Variants in KIFAP3 observed in about 807,000 individuals in gnomAD.
KIFAP3 encodes the protein kinesin associated protein 3.
Under a neutral mutation model 106.5 loss-of-function variants are expected in KIFAP3, and 68 were observed. The observed-to-expected ratio is 0.64, with a 90% CI of 0.53 to 0.78. The LOEUF (loss-of-function observed/expected upper bound fraction) is 0.78. Ranked by LOEUF, KIFAP3 falls within the 30% of genes least tolerant of loss-of-function variation. The pLI is 0.00. For synonymous variants in KIFAP3, 320 were observed against 311.5 expected (o/e 1.03, Z -0.29); for missense variants, 780 against 941.8 (o/e 0.83, Z 2.25).
chr1:170,029,663 A>G (rs377081839), intron 8 of KIFAP3, among the ~76,000 whole-genome samples: 7 of 152,150 alleles, frequency 4.6e-5, no homozygotes, highest in African/African-American at 1.4e-4. Flanking sequence ...AAAAAATTAT[A>G]AAGATCAAAG....
At chr1:170,070,158 T>C (rs918730900) in intron 1 of KIFAP3, among the ~76,000 whole-genome samples, 3 of 152,070 alleles carry the variant, frequency 2.0e-5, no homozygotes, top group Non-Finnish European at 4.4e-5. Context: ...GAAATTAATA[T>C]GAACTAAATG....
chr1:170,026,941 C>G (rs1014907471), intron 8 of KIFAP3, among the ~76,000 whole-genome samples: 5 of 151,482 alleles, frequency 3.3e-5, no homozygotes, highest in African/African-American at 1.2e-4. Context: ...ACTATGTCCC[C>G]AAATAAAACT....
At chr1:169,975,804 T>G (rs886730463) in intron 16 of KIFAP3, among the ~76,000 whole-genome samples, 5 of 152,132 alleles carry the variant, frequency 3.3e-5, no homozygotes, top group African/African-American at 1.2e-4. Flanking sequence ...GAGTTTTGTA[T>G]TTTGGAAAAG....
intron 18 of KIFAP3, among the ~76,000 whole-genome samples, chr1:169,955,995 T>C (rs1664994668): frequency 6.6e-6 from 1 of 152,152 alleles, no homozygotes; most frequent in South Asian, 2.1e-4. Context: ...ATTTTATATA[T>C]AGTAAACTTT....
At chr1:170,034,272 T>C in intron 7 of KIFAP3, 100 bp downstream of exon 7, 1 of 1,102,118 alleles carries the variant, frequency 9.1e-7, no homozygotes, top group Non-Finnish European at 1.3e-6. Flanking sequence ...GTAATGTAAT[T>C]AACAATTTTT....
intron 1 of KIFAP3, among the ~76,000 whole-genome samples, chr1:170,056,464 C>T (rs896632405): frequency 6.6e-6 from 1 of 152,070 alleles, no homozygotes; most frequent in African/African-American, 2.4e-5. Context: ...TTTTAGAAGG[C>T]GATAAAGTTG....
At position 170,031,956 on chromosome 1, in the gene KIFAP3, C is replaced by T. The variant is rs777127756; in HGVS notation, c.771G>A (p.Leu257=). The T allele has an allele frequency of 2.5e-6, 4 of 1,610,142 alleles. No individual in the cohort carries two copies. Among genetic ancestry groups the T allele is most frequent in the Non-Finnish European group, 3.4e-6 (4 of 1,177,336 alleles). ...TAAAGGTTTTTTCATAATCCTTTCT[C>T]AAGGTTTGGTTTTCAGGGTCTTCAT... ...AVDEDPENQT[L]RKDYEKTFKK... is the part of the protein sequence containing the mutation. The change falls in exon 8 of 20, where the codon TTG becomes TTA. Residue 257 remains leucine, a synonymous_variant. Coordinates refer to ENST00000361580, the MANE Select transcript of KIFAP3 (RefSeq NM_014970.4).
intron 19 of KIFAP3, among the ~76,000 whole-genome samples, chr1:169,933,167 G>A (rs1020143975): frequency 8.6e-5 from 13 of 151,844 alleles, no homozygotes; most frequent in Non-Finnish European, 1.3e-4. Context: ...ACACATAAAG[G>A]CATTTCCTTG....
rs753781545 is a variant in KIFAP3 at position 170,024,478 on chromosome 1, T to C, written c.960A>G (p.Leu320=). 15 of 1,603,628 alleles carry C rather than the reference T, an allele frequency of 9.4e-6. No homozygotes were observed. The African/African-American group carries it at 1.3e-4, about 14-fold the overall frequency. The change falls in exon 9 of 20, where the codon CTA becomes CTG. Residue 320 remains leucine (L), a synonymous_variant. Coordinates refer to ENST00000361580, the MANE Select transcript of KIFAP3 (RefSeq NM_014970.4). ...TCTTCAAGAATGACACAACTAAAAT[T>C]AGCAGCTCAAAATTGTCCCGATCAA... is the stretch of plus-strand genomic sequence containing the variant. ...KALDRDNFEL[L]ILVVSFLKKL...
intron 13 of KIFAP3, 27 bp from the exon 14 acceptor site, chr1:169,982,894 A>G: frequency 8.5e-7 from 1 of 1,178,456 alleles, no homozygotes. Context: ...TTTAATATAA[A>G]TTTAAATTAT....
intron 10 of KIFAP3, among the ~76,000 whole-genome samples, chr1:170,002,978 T>A (rs1331518322): frequency 6.6e-6 from 1 of 152,128 alleles, no homozygotes; most frequent in African/African-American, 2.4e-5. Flanking sequence ...TAAAGAACAG[T>A]TTACTAACCT....
At chr1:170,004,554 A>G (rs1397763667) in intron 10 of KIFAP3, among the ~76,000 whole-genome samples, 1 of 152,136 alleles carries the variant, frequency 6.6e-6, no homozygotes, top group Non-Finnish European at 1.5e-5. Context: ...ATAATGCCGC[A>G]TATCTACAAC....
intron 3 of KIFAP3, among the ~76,000 whole-genome samples, chr1:170,042,063 A>AG (rs991090111): frequency 1.3e-5 from 2 of 152,300 alleles, no homozygotes; most frequent in East Asian, 3.9e-4. Flanking sequence ...ACGGGTGGAA[A>AG]GGGGGGTCTG....
At chr1:170,059,449 A>G (rs888485359) in intron 1 of KIFAP3, among the ~76,000 whole-genome samples, 2 of 152,192 alleles carry the variant, frequency 1.3e-5, no homozygotes, top group Non-Finnish European at 2.9e-5. Context: ...ACACCCTCCC[A>G]AGACTAAACC....
chr1:169,939,553 T>TTAA lies in KIFAP3; in HGVS notation c.2273+14455_2273+14457dup, dbSNP rs575454867. 1.1e-3 allele frequency among the ~76,000 whole-genome samples: 161 copies of TTAA among 152,300 alleles called. 1 individual carries two copies. The highest frequency in any genetic ancestry group is 1.6e-3 in the Non-Finnish European group (107 of 68,032). ...AAAAATATAGGTTTACAAATGGTAC[T>TTAA]TAAAGCCATGGATCTGGATGTAATC... On this transcript the variant is annotated intron_variant, in intron 19 of 19. Transcript: ENST00000361580.
In KIFAP3 at chr1:170,003,351, AAT is replaced by A. The variant is rs558658333; in HGVS notation, c.1184-11098_1184-11097del. ...TCACTGATACATGAGAAAGCTATAA[AAT>A]ATAAGTGAAATTAAGGTGCTATTTC... is the stretch of plus-strand genomic sequence containing the variant. On this transcript the variant is annotated intron_variant, in intron 10 of 19. Coordinates refer to ENST00000361580, the MANE Select transcript of KIFAP3 (RefSeq NM_014970.4). 1.7e-3 allele frequency among the ~76,000 whole-genome samples: 261 copies of A among 152,312 alleles called. 1 individual carries two copies. Among genetic ancestry groups the A allele is most frequent in the African/African-American group, 6.1e-3 (254 of 41,562 alleles).
intron 1 of KIFAP3, among the ~76,000 whole-genome samples, chr1:170,073,654 T>C (rs1172062940): frequency 6.6e-6 from 1 of 152,150 alleles, no homozygotes; most frequent in Non-Finnish European, 1.5e-5. Flanking sequence ...CAGTACTGAA[T>C]TAAAATTTTT....
chr1:169,959,990 T>G (rs1383286434), intron 18 of KIFAP3, among the ~76,000 whole-genome samples: 1 of 152,100 alleles, frequency 6.6e-6, no homozygotes, highest in Non-Finnish European at 1.5e-5. Context: ...AGCATAAGTT[T>G]TCCATGATTT....
At position 169,972,599 on chromosome 1, in the gene KIFAP3, C is replaced by T; in HGVS notation, c.1898-1G>A. ...AGGTCTATGAGATATGCTGGAGCCT[C>T]TGAATAAAAATGGTTAAAGAAACAA... is the stretch of plus-strand genomic sequence containing the variant. On this transcript the variant is annotated splice_acceptor_variant, in intron 16 of 19. Coordinates refer to ENST00000361580, the MANE Select transcript of KIFAP3 (RefSeq NM_014970.4). LOFTEE classifies it high-confidence loss of function. 1 of 1,527,578 alleles carries T rather than the reference C, an allele frequency of 6.5e-7. No homozygotes were observed. The highest frequency in any genetic ancestry group is 9.0e-7 in the Non-Finnish European group (1 of 1,114,030). The allele number at this position is 1,527,578 out of a possible 1,614,324, so 94.6% of individuals were successfully genotyped here. A position where few individuals can be genotyped will look rare whatever the true frequency, so the allele number is the denominator to read the frequency against.
Sources: allele counts gnomAD v4.1 joint callset (sites outside exome capture counted in the v4.1 genomes callset), GRCh38; gene constraint gnomAD v4.1.1; transcripts MANE v1.5; gene names NCBI Gene and HGNC (gene_info 2026-07-23, HGNC 2026-07-21).